FAM114A2: variants seen among roughly 807,000 people sequenced by gnomAD.
FAM114A2 encodes protein FAM114A2.
In FAM114A2, 53 loss-of-function variants were observed where a neutral mutation model predicts 58.4. The ratio of observed to expected loss-of-function variants is 0.91; its 90% CI spans 0.73 to 1.14. The LOEUF is 1.14. Among genes scored for constraint, FAM114A2 ranks in the 50% most tolerant of loss-of-function variants. The pLI is 0.00. For synonymous variants in FAM114A2, 228 were observed against 211.4 expected (o/e 1.08, Z -0.68); for missense variants, 601 against 581.1 (o/e 1.03, Z -0.35).
chr5:154,021,957 T>A (rs192613595), intron 8 of FAM114A2, among the ~76,000 whole-genome samples: 26 of 152,166 alleles, frequency 1.7e-4, no homozygotes, highest in Admixed American at 5.9e-4. Context: ...TATAGACCAA[T>A]GGAACAGAAC....
At chr5:154,037,411 A>G (rs745698938) in intron 1 of FAM114A2, 5 of 152,216 alleles carry the variant, frequency 3.3e-5, no homozygotes, top group Non-Finnish European at 7.3e-5. Flanking sequence ...TTCACTCGCA[A>G]ACATTTTTTG....
At position 154,002,894 on chromosome 5, in the gene FAM114A2, G is replaced by A. The variant is rs1470667454; in HGVS notation, c.1069C>T (p.Gln357Ter). ...PLAENEEGEKQSEAENTEQVN... is the reference protein window; with the variant it reads ...PLAENEEGEK Reference sequence around the variant, plus strand: ...TGCTCAGTATTTTCTGCTTCCGACTGTTTTTCTCCTTCTTCATTCTCTGCT... The same window carrying A: ...TGCTCAGTATTTTCTGCTTCCGACTATTTTTCTCCTTCTTCATTCTCTGCT... The change falls in exon 10 of 14, where the codon CAG becomes TAG. Residue 357 changes from glutamine to a stop codon, truncating the protein, a stop_gained. Coordinates refer to ENST00000351797, the MANE Select transcript of FAM114A2 (RefSeq NM_018691.4). LOFTEE classifies it high-confidence loss of function. 3 of 1,614,012 alleles carry A rather than the reference G, an allele frequency of 1.9e-6. No homozygotes were observed. Among genetic ancestry groups the A allele is most frequent in the Non-Finnish European group, 2.5e-6 (3 of 1,179,928 alleles).
At chr5:154,026,548 T>G in intron 7 of FAM114A2, 26 bp from the exon 8 acceptor site, 1 of 1,416,534 alleles carries the variant, frequency 7.1e-7, no homozygotes, top group Non-Finnish European at 9.3e-7. Context: ...AACAAAATGT[T>G]GTAGGAGTAT....
chr5:154,002,471 G>A, intron 10 of FAM114A2, 81 bp from the exon 11 acceptor site: 1 of 1,429,602 alleles, frequency 7.0e-7, no homozygotes, highest in East Asian at 2.3e-5. Flanking sequence ...CATACTACAG[G>A]ATTTGTAGCA....
intron 9 of FAM114A2, 95 bp downstream of exon 9, chr5:154,011,146 G>A (rs1219469956): frequency 1.4e-5 from 13 of 951,406 alleles, no homozygotes; most frequent in African/African-American, 3.3e-5. Flanking sequence ...TTCGATTTTG[G>A]TGACACCTCT....
chr5:154,014,819 G>A (rs1300368000), intron 8 of FAM114A2, among the ~76,000 whole-genome samples: 1 of 152,110 alleles, frequency 6.6e-6, no homozygotes, highest in East Asian at 1.9e-4. Context: ...CTCAGGAGAG[G>A]GCATGAATCC....
intron 8 of FAM114A2, among the ~76,000 whole-genome samples, chr5:154,019,049 T>C (rs1771229454): frequency 6.6e-6 from 1 of 152,060 alleles, no homozygotes; most frequent in South Asian, 2.1e-4. Context: ...GTACTGGAAG[T>C]CCTAGCCAGA....
rs529573381 is a variant in FAM114A2 at position 154,018,215 on chromosome 5, C to T, written c.914-6895G>A. ...AAATCCAAATAATCTCAATTAGAAA[C>T]GAAATGAGAGACATTAAAACTGACA... On this transcript the variant is annotated intron_variant, in intron 8 of 13. Transcript: ENST00000351797. Among the ~76,000 whole-genome samples the T allele has an allele frequency of 2.6e-4, 39 of 152,144 alleles. No homozygotes were observed. In the East Asian group the frequency reaches 4.1e-3, roughly 16 times the overall value.
intron 4 of FAM114A2, 125 bp downstream of exon 4, chr5:154,033,666 C>A (rs1260754818): frequency 1.7e-6 from 1 of 602,006 alleles, no homozygotes; most frequent in Admixed American, 3.3e-5. Context: ...ATTCTAAATA[C>A]TCTTTCTCAC....
At chr5:154,004,348 G>A (rs1770209983) in intron 9 of FAM114A2, among the ~76,000 whole-genome samples, 2 of 152,012 alleles carry the variant, frequency 1.3e-5, no homozygotes, top group African/African-American at 4.8e-5. Context: ...ATTATTTGGA[G>A]GTCTAGCCTT....
intron 8 of FAM114A2, among the ~76,000 whole-genome samples, chr5:154,012,224 A>T (rs1252931380): frequency 6.6e-6 from 1 of 152,218 alleles, no homozygotes; most frequent in African/African-American, 2.4e-5. Context: ...GAACGTTGGA[A>T]GGATGGTAAG....
chr5:153,995,611 T>TA (rs1769505704), intron 12 of FAM114A2, among the ~76,000 whole-genome samples: 1 of 152,180 alleles, frequency 6.6e-6, no homozygotes. Flanking sequence ...ACTAGGGCTT[T>TA]AAAATAAATA....
At chr5:154,004,033 C>T (rs747168751) in intron 9 of FAM114A2, among the ~76,000 whole-genome samples, 2 of 152,096 alleles carry the variant, frequency 1.3e-5, no homozygotes, top group African/African-American at 4.8e-5. Context: ...TGTACAGGAG[C>T]AATAGGTTAA....
chr5:153,993,166 T>C, intron 13 of FAM114A2, 56 bp from the exon 14 acceptor site: 1 of 1,465,712 alleles, frequency 6.8e-7, no homozygotes, highest in South Asian at 1.3e-5. Flanking sequence ...AAAGAGAAGA[T>C]ATACTGTAAG....
In FAM114A2 at chr5:154,011,414, C is replaced by T. The variant is rs1224326842; in HGVS notation, c.914-94G>A. 3 of 758,388 alleles carry T rather than the reference C, an allele frequency of 4.0e-6. No homozygotes were observed. In the Admixed American group the frequency reaches 6.3e-5, roughly 16 times the overall value. 47.0% of individuals were successfully genotyped at this position (758,388 alleles called of 1,614,324 possible). On this transcript the variant is annotated intron_variant, in intron 8 of 13. Coordinates refer to ENST00000351797, the MANE Select transcript of FAM114A2 (RefSeq NM_018691.4). ...AGGAAGAGGAGAGGAGTGGTAATAGCAGTGACAGTAGTAGTAATAACAATA... is the reference window on the plus strand; with the variant it reads ...AGGAAGAGGAGAGGAGTGGTAATAGTAGTGACAGTAGTAGTAATAACAATA...
chr5:153,998,116 A>AT (rs989109200), intron 11 of FAM114A2, among the ~76,000 whole-genome samples: 1 of 152,192 alleles, frequency 6.6e-6, no homozygotes, highest in African/African-American at 2.4e-5. Flanking sequence ...TAAATAATTC[A>AT]TAAGTTTTTA....
intron 8 of FAM114A2, among the ~76,000 whole-genome samples, chr5:154,015,407 G>A (rs1186142614): frequency 6.6e-6 from 1 of 152,076 alleles, no homozygotes; most frequent in South Asian, 2.1e-4. Flanking sequence ...ACAGGTGCGG[G>A]TATCCACAGC....
chr5:154,010,426 G>A (rs34633264), intron 9 of FAM114A2, among the ~76,000 whole-genome samples: 1 of 152,316 alleles, frequency 6.6e-6, no homozygotes, highest in East Asian at 1.9e-4. Context: ...CAGCATTTTC[G>A]ATGGGCATAG....
chr5:154,002,158 G>A (rs1420614362), intron 11 of FAM114A2, 93 bp downstream of exon 11: 31 of 1,208,356 alleles, frequency 2.6e-5, no homozygotes, highest in African/African-American at 3.0e-5. Context: ...TGACGTGAAT[G>A]GTTTCTTGAG....
Sources: allele counts gnomAD v4.1 joint callset (sites outside exome capture counted in the v4.1 genomes callset), GRCh38; gene constraint gnomAD v4.1.1; transcripts MANE v1.5; gene names NCBI Gene and HGNC (gene_info 2026-07-23, HGNC 2026-07-21).